The following DYRK1A variants were observed in gnomAD, a reference collection of about 807,000 sequenced individuals.
DYRK1A encodes the protein dual specificity tyrosine-phosphorylation-regulated kinase 1A.
In DYRK1A, 9 loss-of-function variants were observed where a neutral mutation model predicts 79.7. That is an observed-to-expected ratio of 0.11 (90% CI 0.07 to 0.20). DYRK1A has a LOEUF of 0.20. Among genes scored for constraint, DYRK1A ranks in the 10% least tolerant of loss-of-function variants. The pLI is 1.00. For synonymous variants in DYRK1A, 349 were observed against 329.7 expected (o/e 1.06, Z -0.63); for missense variants, 622 against 956.0 (o/e 0.65, Z 4.61).
chr21:37,501,166 GT>G (rs34646709), intron 9 of DYRK1A, among the ~76,000 whole-genome samples: 10,627 of 94,006 alleles, frequency 0.11, 404 homozygotes, highest in Non-Finnish European at 0.16. Flanking sequence ...GTTGTTGTTG[GT>G]TTTTTTTTTT....
chr21:37,459,589 T>C (rs186360092), intron 2 of DYRK1A, among the ~76,000 whole-genome samples: 1 of 152,232 alleles, frequency 6.6e-6, no homozygotes, highest in African/African-American at 2.4e-5. Context: ...TTAGCCTGAT[T>C]AGTTACCTGC....
chr21:37,368,952 A>AAT (rs921442988), intron 1 of DYRK1A, among the ~76,000 whole-genome samples: 1 of 152,166 alleles, frequency 6.6e-6, no homozygotes, highest in Non-Finnish European at 1.5e-5. Flanking sequence ...GCCTGTTAAT[A>AAT]AACTTTTCAG....
chr21:37,409,017 T>C (rs2050197453), intron 1 of DYRK1A, among the ~76,000 whole-genome samples: 1 of 151,956 alleles, frequency 6.6e-6, no homozygotes, highest in African/African-American at 2.4e-5. Context: ...AGGTGTGTGG[T>C]GGGAAGCTCT....
In DYRK1A at chr21:37,517,840, C is replaced by G. The variant is rs902068740; in HGVS notation, c.*5309C>G. 1 of 152,018 alleles carries G rather than the reference C, an allele frequency of 6.6e-6. No homozygotes were observed. The highest frequency in any genetic ancestry group is 1.5e-5 in the Non-Finnish European group (1 of 68,012). 9.4% of individuals were successfully genotyped at this position (152,018 alleles called of 1,614,324 possible). ...CTGGGGTGGGGTTTGTTAACTCCCT[C>G]TGAAATGAAAGAAAATACCTCTAGT... On this transcript the variant is annotated 3_prime_UTR_variant, in exon 12 of 12. Coordinates refer to ENST00000647188, the MANE Select transcript of DYRK1A (RefSeq NM_001347721.2).
chr21:37,424,079 G>T (rs190421998), intron 2 of DYRK1A, among the ~76,000 whole-genome samples: 117 of 152,092 alleles, frequency 7.7e-4, no homozygotes, highest in African/African-American at 2.8e-3. Context: ...CATCATATGT[G>T]GGGTACACTA....
intron 2 of DYRK1A, among the ~76,000 whole-genome samples, chr21:37,459,887 G>C (rs2051781422): frequency 6.6e-6 from 1 of 152,120 alleles, no homozygotes; most frequent in Non-Finnish European, 1.5e-5. Context: ...GAGTGAGTGG[G>C]CTTGAGAATA....
intron 1 of DYRK1A, among the ~76,000 whole-genome samples, chr21:37,403,719 A>G (rs2050100808): frequency 7.0e-6 from 1 of 143,758 alleles, no homozygotes; most frequent in African/African-American, 2.6e-5. Context: ...CTGGTGTTGA[A>G]CTCCTTGCCT....
intron 1 of DYRK1A, among the ~76,000 whole-genome samples, chr21:37,400,728 T>G (rs2050037303): frequency 6.6e-6 from 1 of 152,238 alleles, no homozygotes; most frequent in Admixed American, 6.5e-5. Context: ...GGAAATGATA[T>G]GAATGATTGG....
intron 2 of DYRK1A, among the ~76,000 whole-genome samples, chr21:37,439,692 A>C (rs2051033534): frequency 6.6e-6 from 1 of 152,144 alleles, no homozygotes; most frequent in African/African-American, 2.4e-5. Flanking sequence ...CCATGGAAAA[A>C]CTGTCCTCCA....
intron 2 of DYRK1A, among the ~76,000 whole-genome samples, chr21:37,451,122 T>C (rs76111200): frequency 0.014 from 2,189 of 152,260 alleles, 160 homozygotes; most frequent in Admixed American, 0.12. Flanking sequence ...AAAGAAAACA[T>C]TTTTGTACAG....
rs140917966 is a variant in DYRK1A at position 37,456,226 on chromosome 21, A to G, written c.11-16458A>G. 2.6e-3 allele frequency: 399 copies of G among 152,860 alleles called. 3 individuals carry two copies. The highest frequency in any genetic ancestry group is 8.7e-3 in the African/African-American group (363 of 41,530). The allele number at this position is 152,860 out of a possible 1,614,324, so 9.5% of individuals were successfully genotyped here. On this transcript the variant is annotated intron_variant, in intron 2 of 11. Coordinates refer to ENST00000647188, the MANE Select transcript of DYRK1A (RefSeq NM_001347721.2). The stretch of plus-strand genomic sequence containing the variant: ...ATGTTTGGGGAAGAGTGAAGAGTGT[A>G]CTTGAGAGAGTGTGGAGGTGCCTTG...
intron 1 of DYRK1A, among the ~76,000 whole-genome samples, chr21:37,412,881 T>C (rs2050269703): frequency 6.6e-6 from 1 of 152,096 alleles, no homozygotes; most frequent in Non-Finnish European, 1.5e-5. Flanking sequence ...GACTAGATAT[T>C]GAGTGAAAAG....
At chr21:37,468,272 T>C (rs1435760879) in intron 2 of DYRK1A, among the ~76,000 whole-genome samples, 3 of 151,742 alleles carry the variant, frequency 2.0e-5, no homozygotes, top group Non-Finnish European at 2.9e-5. Flanking sequence ...TCACCATGCC[T>C]GGCTTTTTTT....
intron 2 of DYRK1A, among the ~76,000 whole-genome samples, chr21:37,433,945 G>A (rs2050850325): frequency 6.6e-6 from 1 of 152,110 alleles, no homozygotes; most frequent in South Asian, 2.1e-4. Context: ...TTTCCTTCTA[G>A]TTTTAGAGTT....
At chr21:37,387,269 T>C (rs1302681643) in intron 1 of DYRK1A, among the ~76,000 whole-genome samples, 5 of 152,240 alleles carry the variant, frequency 3.3e-5, no homozygotes, top group Non-Finnish European at 5.9e-5. Flanking sequence ...CACACTTTTT[T>C]CTTCCAGCTC....
rs1363784888 is a variant in DYRK1A, at chr21:37,517,685, A to G, written c.*5154A>G. ...GGGAGTTGTTAATGAACACCCAGGCAAGAGGACGGGCCTGAGCCTGAGTGT... is the reference window on the plus strand; with the variant it reads ...GGGAGTTGTTAATGAACACCCAGGCGAGAGGACGGGCCTGAGCCTGAGTGT... On this transcript the variant is annotated 3_prime_UTR_variant, in exon 12 of 12. Coordinates refer to ENST00000647188, the MANE Select transcript of DYRK1A (RefSeq NM_001347721.2). 1 of 152,254 alleles carries G rather than the reference A, an allele frequency of 6.6e-6. No individual in the cohort carries two copies. The highest frequency in any genetic ancestry group is 1.5e-5 in the Non-Finnish European group (1 of 68,164). 9.4% of individuals were successfully genotyped at this position (152,254 alleles called of 1,614,324 possible).
chr21:37,479,829 G>A (rs992183429), intron 4 of DYRK1A, among the ~76,000 whole-genome samples: 11 of 151,494 alleles, frequency 7.3e-5, no homozygotes, highest in East Asian at 3.9e-4. Flanking sequence ...GGGTTTCACC[G>A]TGTTAGCCAG....
At chr21:37,488,409 GTC>G in intron 6 of DYRK1A, 1 of 735,154 alleles carries the variant, frequency 1.4e-6, no homozygotes, top group Non-Finnish European at 1.7e-6. Context: ...TGATTGATGA[GTC>G]TGATTTATTC....
At chr21:37,407,388 T>C (rs1185001098) in intron 1 of DYRK1A, among the ~76,000 whole-genome samples, 5 of 152,198 alleles carry the variant, frequency 3.3e-5, no homozygotes, top group Non-Finnish European at 5.9e-5. Context: ...ATGTCTGTGC[T>C]CAATAGATTT....
Sources: allele counts gnomAD v4.1 joint callset (sites outside exome capture counted in the v4.1 genomes callset), GRCh38; gene constraint gnomAD v4.1.1; transcripts MANE v1.5; gene names NCBI Gene and HGNC (gene_info 2026-07-23, HGNC 2026-07-21).